The following PEMT variants were observed in gnomAD, a reference collection of about 807,000 sequenced individuals.
PEMT encodes the protein phospholipid methyltransferase.
PEMT carries 23 observed loss-of-function variants against 27.4 expected under a neutral mutation model. That is an observed-to-expected ratio of 0.84 (90% CI 0.60 to 1.19). The LOEUF is 1.19. Among genes scored for constraint, PEMT ranks in the 50% most tolerant of loss-of-function variants. PEMT has a pLI of 0.00. For synonymous variants in PEMT, 137 were observed against 139.1 expected (o/e 0.98, Z 0.11); for missense variants, 307 against 310.1 (o/e 0.99, Z 0.07).
chr17:17,557,458 G>A (rs1910138451), intron 2 of PEMT, among the ~76,000 whole-genome samples: 1 of 152,216 alleles, frequency 6.6e-6, no homozygotes, highest in Non-Finnish European at 1.5e-5. Context: ...GGAGAGCCAG[G>A]TGTGTGGTTG....
chr17:17,560,631 C>G (rs1347946580), intron 2 of PEMT, among the ~76,000 whole-genome samples: 1 of 152,170 alleles, frequency 6.6e-6, no homozygotes, highest in African/African-American at 2.4e-5. Flanking sequence ...GAATTTGGAG[C>G]CACATCTGTG....
At chr17:17,552,746 T>C (rs1223236759) in intron 2 of PEMT, among the ~76,000 whole-genome samples, 1 of 150,840 alleles carries the variant, frequency 6.6e-6, no homozygotes, top group Non-Finnish European at 1.5e-5. Context: ...CGTTTCGACA[T>C]GGAGACCCAA....
intron 2 of PEMT, among the ~76,000 whole-genome samples, chr17:17,554,893 G>C (rs912727994): frequency 2.6e-5 from 4 of 152,192 alleles, no homozygotes; most frequent in Non-Finnish European, 4.4e-5. Context: ...TAGGATTACA[G>C]GCACGAGCCA....
chr17:17,539,907 G>A (rs1254951990), intron 2 of PEMT, among the ~76,000 whole-genome samples: 1 of 152,238 alleles, frequency 6.6e-6, no homozygotes, highest in Non-Finnish European at 1.5e-5. Context: ...TGGGAGGCTG[G>A]TGCAGGAAAG....
At chr17:17,552,921 C>A (rs972437022) in intron 2 of PEMT, among the ~76,000 whole-genome samples, 1 of 152,208 alleles carries the variant, frequency 6.6e-6, no homozygotes, top group African/African-American at 2.4e-5. Flanking sequence ...CCCTTTCCCC[C>A]AGGCCAGGAG....
chr17:17,568,498 G>A (rs770217387), intron 2 of PEMT, among the ~76,000 whole-genome samples: 4 of 152,336 alleles, frequency 2.6e-5, no homozygotes, highest in South Asian at 2.1e-4. Flanking sequence ...TTGGTAAAGC[G>A]CAGGGATTGC....
chr17:17,578,599 A>C (rs1597962183), intron 1 of PEMT: 1 of 152,230 alleles, frequency 6.6e-6, no homozygotes, highest in East Asian at 1.9e-4. Context: ...AAATTTTTTA[A>C]AAATACTAAA....
intron 5 of PEMT, chr17:17,508,706 G>T (rs1385789305): frequency 1.6e-5 from 7 of 449,106 alleles, no homozygotes; most frequent in African/African-American, 1.4e-4. Flanking sequence ...TTGACCGCAG[G>T]TCCTCTGACC....
rs984466000 is a variant in PEMT, at chr17:17,505,633, G to A, written c.*158C>T. The stretch of plus-strand genomic sequence containing the variant: ...GAGCTCAATGGCCATATGTCGGCAC[G>A]TCCAGGGTCCCCAAGGCAGCAGGTT... On this transcript the variant is annotated 3_prime_UTR_variant, in exon 7 of 7. Coordinates refer to ENST00000255389, the MANE Select transcript of PEMT (RefSeq NM_148172.3). 2.7e-5 allele frequency: 20 copies of A among 738,532 alleles called. No individual in the cohort carries two copies. The highest frequency in any genetic ancestry group is 2.3e-4 in the East Asian group (7 of 30,642). 45.7% of individuals were successfully genotyped at this position (738,532 alleles called of 1,614,324 possible). A position where few individuals can be genotyped will look rare whatever the true frequency, so the allele number is the denominator to read the frequency against.
At position 17,513,172 on chromosome 17, in the gene PEMT, T is replaced by C. The variant is rs1906551715; in HGVS notation, c.321-518A>G. 6.6e-6 allele frequency among the ~76,000 whole-genome samples: 1 copy of C among 152,230 alleles called. No homozygotes were observed. The highest frequency in any genetic ancestry group is 2.1e-4 in the South Asian group (1 of 4,828). The stretch of plus-strand genomic sequence containing the variant: ...CTAGGGATTGCGCTTCCACAGCCCC[T>C]GTGGGTCTGGCCACATCCTGGGTGG... On this transcript the variant is annotated intron_variant, in intron 3 of 6. Transcript: ENST00000255389. This position sits in a 1 kb window ranked among gnomAD's most constrained non-coding sequence, Gnocchi z 4.1.
Position 17,582,929 on chromosome 17 carries a change from G to A in PEMT, c.97-5902C>T, listed in dbSNP as rs922157520. On this transcript the variant is annotated intron_variant, in intron 1 of 6. Coordinates refer to ENST00000255389, the MANE Select transcript of PEMT (RefSeq NM_148172.3). This position sits in a 1 kb window ranked among gnomAD's most constrained non-coding sequence, Gnocchi z 4.9. ...ATACAAAAATTAGCTGGACATGGTG[G>A]TGCACGACTGTAGTCCCAGCTACTG... Among the ~76,000 whole-genome samples, 1 of 152,152 alleles carries A rather than the reference G, an allele frequency of 6.6e-6. No individual in the cohort carries two copies. Among genetic ancestry groups the A allele is most frequent in the Non-Finnish European group, 1.5e-5 (1 of 68,048 alleles).
chr17:17,506,360 C>G, intron 5 of PEMT, 59 bp from the exon 6 acceptor site: 2 of 1,318,836 alleles, frequency 1.5e-6, no homozygotes, highest in Non-Finnish European at 2.1e-6. Context: ...GGGCCACGGC[C>G]CACCTGCCCA....
chr17:17,544,071 G>C (rs1261158012), intron 2 of PEMT, among the ~76,000 whole-genome samples: 1 of 152,040 alleles, frequency 6.6e-6, no homozygotes, highest in African/African-American at 2.4e-5. Context: ...TGGTCGGTGA[G>C]GGGGGCACTG....
intron 2 of PEMT, among the ~76,000 whole-genome samples, chr17:17,558,830 C>A (rs929734411): frequency 6.6e-6 from 1 of 152,154 alleles, no homozygotes; most frequent in Non-Finnish European, 1.5e-5. Context: ...ACACCCCTCC[C>A]AGAGCCTGCC....
Position 17,523,813 on chromosome 17 carries a change from T to TGTTCC in PEMT, c.205-1423_205-1419dup, listed in dbSNP as rs2142545594. Among the ~76,000 whole-genome samples the TGTTCC allele has an allele frequency of 6.6e-6, 1 of 152,286 alleles. No homozygotes were observed. Among genetic ancestry groups the TGTTCC allele is most frequent in the African/African-American group, 2.4e-5 (1 of 41,552 alleles). On this transcript the variant is annotated intron_variant, in intron 2 of 6. Transcript: ENST00000255389. The surrounding 1 kb of genome is among the most constrained non-coding windows in gnomAD (Gnocchi z 4.8). ...GACCACAGCCTGCTTTGTTTTGTTT[T>TGTTCC]GTTCCAATTCTGAGATAAAATTCAA...
chr17:17,505,784 A>T lies in PEMT; in HGVS notation c.*7T>A. On this transcript the variant is annotated 3_prime_UTR_variant, in exon 7 of 7. Coordinates refer to ENST00000255389, the MANE Select transcript of PEMT (RefSeq NM_148172.3). The stretch of plus-strand genomic sequence containing the variant: ...GCCAGGCCTTCAGCAAAGCTGTTGC[A>T]GCTCAATCAGCTCCTCTTGTGGGAC... The T allele has an allele frequency of 1.9e-6, 3 of 1,607,908 alleles. No homozygotes were observed. Among genetic ancestry groups the T allele is most frequent in the Non-Finnish European group, 2.5e-6 (3 of 1,176,754 alleles).
intron 2 of PEMT, among the ~76,000 whole-genome samples, chr17:17,567,527 C>T (rs1341395527): frequency 6.6e-6 from 1 of 152,268 alleles, no homozygotes; most frequent in Admixed American, 6.5e-5. Context: ...ACTCATGTGC[C>T]GTGGAACGGC....
At chr17:17,511,233 C>A (rs1315849127) in intron 4 of PEMT, among the ~76,000 whole-genome samples, 5 of 152,192 alleles carry the variant, frequency 3.3e-5, no homozygotes, top group Non-Finnish European at 7.3e-5. Flanking sequence ...TCTTTCCTAC[C>A]TGCCCGCACC....
chr17:17,569,208 C>T (rs898226822), intron 2 of PEMT, among the ~76,000 whole-genome samples: 4 of 152,210 alleles, frequency 2.6e-5, no homozygotes, highest in Non-Finnish European at 5.9e-5. Context: ...CTATAGGTAT[C>T]CTCTGCAGGG....
Sources: allele counts gnomAD v4.1 joint callset (sites outside exome capture counted in the v4.1 genomes callset), GRCh38; gene constraint gnomAD v4.1.1; non-coding constraint Gnocchi (gnomAD v3.1); transcripts MANE v1.5; gene names NCBI Gene and HGNC (gene_info 2026-07-23, HGNC 2026-07-21).